Variants in PRKG1 observed in about 807,000 individuals in gnomAD.
PRKG1 encodes the protein protein kinase cGMP-dependent 1, also known as cGMP-dependent protein kinase 1.
PRKG1 carries 35 observed loss-of-function variants against 88.1 expected under a neutral mutation model. The observed-to-expected ratio is 0.40, with a 90% CI of 0.30 to 0.53. The LOEUF is 0.53. PRKG1 is among the 20% of genes least tolerant of loss of function. PRKG1 has a pLI of 0.59. For synonymous variants in PRKG1, 303 were observed against 292.5 expected (o/e 1.04, Z -0.37); for missense variants, 540 against 839.8 (o/e 0.64, Z 4.41).
At chr10:51,471,825 T>C (rs1564512739) in intron 3 of PRKG1, among the ~76,000 whole-genome samples, 1 of 151,828 alleles carries the variant, frequency 6.6e-6, no homozygotes, top group Non-Finnish European at 1.5e-5. Context: ...AAAAAGCACT[T>C]TTCAGGAAAA....
intron 2 of PRKG1, among the ~76,000 whole-genome samples, chr10:51,366,282 T>A (rs2132597627): frequency 6.6e-6 from 1 of 152,092 alleles, no homozygotes; most frequent in Non-Finnish European, 1.5e-5. Context: ...TTTTTCCTAG[T>A]AGAACATGGA....
chr10:52,159,831 A>G (rs1021181022), intron 8 of PRKG1, among the ~76,000 whole-genome samples: 1 of 151,866 alleles, frequency 6.6e-6, no homozygotes. Flanking sequence ...CTAATAACAC[A>G]ATCTCTTAAT....
chr10:51,656,679 A>G (rs186601743), intron 3 of PRKG1, among the ~76,000 whole-genome samples: 22 of 152,168 alleles, frequency 1.4e-4, no homozygotes, highest in Non-Finnish European at 2.6e-4. Context: ...ATTCTTCCTA[A>G]AGCATAACTG....
chr10:52,155,541 T>A (rs1386943738), intron 8 of PRKG1, among the ~76,000 whole-genome samples: 1 of 152,002 alleles, frequency 6.6e-6, no homozygotes. Context: ...TTGGTTATAG[T>A]ATAAGCACAG....
At chr10:52,201,596 T>C (rs1289988742) in intron 9 of PRKG1, among the ~76,000 whole-genome samples, 2 of 152,174 alleles carry the variant, frequency 1.3e-5, no homozygotes, top group Admixed American at 1.3e-4. Flanking sequence ...AAGAATATCA[T>C]TGGTAGTTTG....
chr10:51,658,398 A>C (rs903746279), intron 3 of PRKG1, among the ~76,000 whole-genome samples: 6 of 152,020 alleles, frequency 3.9e-5, no homozygotes, highest in Non-Finnish European at 7.4e-5. Flanking sequence ...CAGTGCTCTG[A>C]GGGTGGGAGA....
chr10:51,894,308 G>A (rs1841789788), intron 4 of PRKG1, among the ~76,000 whole-genome samples: 1 of 152,102 alleles, frequency 6.6e-6, no homozygotes. Flanking sequence ...GAAATAAGCA[G>A]ACACAAACGG....
At chr10:51,797,222 A>G (rs1213790385) in intron 3 of PRKG1, among the ~76,000 whole-genome samples, 1 of 151,108 alleles carries the variant, frequency 6.6e-6, no homozygotes, top group East Asian at 1.9e-4. Context: ...TCTGAAAAGT[A>G]AAACAAAGCA....
At chr10:51,011,606 A>G (rs1041892016) in intron 1 of PRKG1, among the ~76,000 whole-genome samples, 1 of 152,226 alleles carries the variant, frequency 6.6e-6, no homozygotes, top group Non-Finnish European at 1.5e-5. Context: ...TGATTTATAT[A>G]CATAAACATA....
intron 8 of PRKG1, among the ~76,000 whole-genome samples, chr10:52,138,306 C>A (rs1389436433): frequency 6.6e-6 from 1 of 152,090 alleles, no homozygotes; most frequent in Non-Finnish European, 1.5e-5. Context: ...TTCCTGGGCC[C>A]TACTGGCCAT....
At position 51,507,244 on chromosome 10, in the gene PRKG1, A is replaced by T. The variant is rs1226903803; in HGVS notation, c.592+39408A>T. On this transcript the variant is annotated intron_variant, in intron 3 of 17. Transcript: ENST00000373980. ...TGTGGCACAGCAACATGGCACATGT[A>T]TACATATGTAACAAACCTGCACTTT... Among the ~76,000 whole-genome samples the T allele has an allele frequency of 4.6e-5, 7 of 152,128 alleles. No homozygotes were observed. In the East Asian group the frequency reaches 1.3e-3, roughly 29 times the overall value.
At chr10:51,369,409 T>G (rs1842655324) in intron 2 of PRKG1, among the ~76,000 whole-genome samples, 1 of 152,048 alleles carries the variant, frequency 6.6e-6, no homozygotes, top group Admixed American at 6.6e-5. Flanking sequence ...GGGCCTCTGT[T>G]ATACCATCTC....
rs572863703 is a variant in PRKG1, at chr10:52,064,223, C to T, written c.935+1592C>T. Among the ~76,000 whole-genome samples, 5 of 152,284 alleles carry T rather than the reference C, an allele frequency of 3.3e-5. No homozygotes were observed. In the South Asian group the frequency reaches 1.0e-3, roughly 32 times the overall value. On this transcript the variant is annotated intron_variant, in intron 7 of 17. Transcript: ENST00000373980. ...GCCCACCACTGGATTCCCTCCTATG[C>T]TCATTGGCACCCAAAGCCCAGAGGG... is the stretch of plus-strand genomic sequence containing the variant.
intron 7 of PRKG1, among the ~76,000 whole-genome samples, chr10:52,067,372 T>C (rs979888902): frequency 4.6e-5 from 7 of 152,176 alleles, no homozygotes; most frequent in Admixed American, 1.3e-4. Flanking sequence ...TGGTTGGAGA[T>C]TGAGTGAAAT....
chr10:51,292,459 G>A (rs1840606221), intron 2 of PRKG1, among the ~76,000 whole-genome samples: 2 of 152,070 alleles, frequency 1.3e-5, no homozygotes, highest in Non-Finnish European at 2.9e-5. Flanking sequence ...ATGGTAATTT[G>A]TTTAACAGAA....
intron 2 of PRKG1, among the ~76,000 whole-genome samples, chr10:51,220,188 A>C (rs566086680): frequency 6.6e-6 from 1 of 151,728 alleles, no homozygotes; most frequent in Non-Finnish European, 1.5e-5. Flanking sequence ...ACTGGCTGAC[A>C]ATCTTCCAGG....
chr10:51,776,262 G>A (rs558274993), intron 3 of PRKG1, among the ~76,000 whole-genome samples: 1 of 152,300 alleles, frequency 6.6e-6, no homozygotes, highest in Non-Finnish European at 1.5e-5. Context: ...GAACTATAGT[G>A]TATTTGTCTT....
At chr10:51,267,864 G>A (rs779250185) in intron 2 of PRKG1, among the ~76,000 whole-genome samples, 3 of 152,250 alleles carry the variant, frequency 2.0e-5, no homozygotes, top group Middle Eastern at 3.4e-3. Flanking sequence ...CACACAGAGT[G>A]GGAGAAAATA....
chr10:52,088,095 C>T (rs993682262), intron 7 of PRKG1, among the ~76,000 whole-genome samples: 8 of 152,074 alleles, frequency 5.3e-5, no homozygotes, highest in African/African-American at 1.9e-4. Context: ...CTGCTTAACT[C>T]TAATCTGTGG....
Sources: allele counts gnomAD v4.1 joint callset (sites outside exome capture counted in the v4.1 genomes callset), GRCh38; gene constraint gnomAD v4.1.1; transcripts MANE v1.5; gene names NCBI Gene and HGNC (gene_info 2026-07-23, HGNC 2026-07-21).